SLC36A1: variants seen among roughly 807,000 people sequenced by gnomAD.
The protein encoded by SLC36A1 is solute carrier family 36 member 1.
Under a neutral mutation model 47.5 loss-of-function variants are expected in SLC36A1, and 30 were observed. That is an observed-to-expected ratio of 0.63 (90% CI 0.47 to 0.86). The LOEUF is 0.86. Among genes scored for constraint, SLC36A1 ranks in the 40% least tolerant of loss-of-function variants. SLC36A1 has a pLI of 0.00. For synonymous variants in SLC36A1, 255 were observed against 249.7 expected, an observed-to-expected ratio of 1.02 and a Z score of -0.20; for missense variants, 517 against 606.0, an observed-to-expected ratio of 0.85 and a Z score of 1.54.
chr5:151,507,237 G>A, the SLC36A1 span: 1 of 1,613,848 alleles, frequency 6.2e-7, no homozygotes, highest in Admixed American at 1.7e-5. Context: ...GAGTCTGGGG[G>A]GCACACTGCA....
intron 2 of SLC36A1, among the ~76,000 whole-genome samples, chr5:151,461,414 C>G (rs1325444316): frequency 1.3e-5 from 2 of 152,128 alleles, no homozygotes; most frequent in Non-Finnish European, 2.9e-5. Flanking sequence ...TGTTGCCCCT[C>G]TGAGTTCCAT....
At chr5:151,356,794 G>C in the SLC36A1 span, among the ~76,000 whole-genome samples, 1 of 152,120 alleles carries the variant, frequency 6.6e-6, no homozygotes, top group Non-Finnish European at 1.5e-5. Flanking sequence ...ACACAACTGG[G>C]GGCAATTTTC....
rs866159190 is a variant in SLC36A1, at chr5:151,488,552, T to G, written c.*298T>G. The stretch of plus-strand genomic sequence containing the variant: ...CCTCCTCCTTCCTACCTGCCTCCCC[T>G]CTGCTGGTGCACCTCGCCCAACTCA... On this transcript the variant is annotated 3_prime_UTR_variant, in exon 11 of 11. Transcript: ENST00000243389. 67 of 429,338 alleles carry G rather than the reference T, an allele frequency of 1.6e-4. No individual in the cohort carries two copies. The highest frequency in any genetic ancestry group is 6.3e-4 in the Middle Eastern group (1 of 1,594). The allele number at this position is 429,338 out of a possible 1,614,324, so 26.6% of individuals were successfully genotyped here.
chr5:151,469,400 A>C lies in SLC36A1; in HGVS notation c.723+1475A>C, dbSNP rs1757023043. 3 of 581,684 alleles carry C rather than the reference A, an allele frequency of 5.2e-6. No individual in the cohort carries two copies. In the South Asian group the frequency reaches 6.6e-5, roughly 13 times the overall value. The allele number at this position is 581,684 out of a possible 1,614,324, so 36.0% of individuals were successfully genotyped here. A position where few individuals can be genotyped will look rare whatever the true frequency, so the allele number is the denominator to read the frequency against. On this transcript the variant is annotated intron_variant, in intron 7 of 10. Transcript: ENST00000243389. The stretch of plus-strand genomic sequence containing the variant: ...AATGCCTTAGTGAGCCTTCCAGGTT[A>C]GTATTCCTGGCTCTACCTTGTTGTT...
chr5:151,509,190 A>G, the SLC36A1 span, among the ~76,000 whole-genome samples: 4 of 152,320 alleles, frequency 2.6e-5, no homozygotes, highest in African/African-American at 9.6e-5. Context: ...TGAGAGAATA[A>G]GCACTTCAGC....
At chr5:151,487,847 G>A in intron 10 of SLC36A1, 136 bp from the exon 11 acceptor site, 1 of 1,057,438 alleles carries the variant, frequency 9.5e-7, no homozygotes, top group East Asian at 2.6e-5. Flanking sequence ...CACAGAGATT[G>A]AACTGGACAA....
At chr5:151,401,787 A>G in the SLC36A1 span, among the ~76,000 whole-genome samples, 1 of 152,108 alleles carries the variant, frequency 6.6e-6, no homozygotes, top group Admixed American at 6.6e-5. Flanking sequence ...TGTAAATGGA[A>G]TTGTGTTCTT....
downstream of SLC36A1, among the ~76,000 whole-genome samples, chr5:151,495,982 T>C (rs536445107): frequency 6.6e-6 from 1 of 152,314 alleles, no homozygotes; most frequent in African/African-American, 2.4e-5. Context: ...TTTGTACAAG[T>C]GTTCCTGCAT....
the SLC36A1 span, chr5:151,528,192 C>T: frequency 0.022 from 34,306 of 1,590,890 alleles, 501 homozygotes; most frequent in Non-Finnish European, 0.023. Context: ...CCTGGGAGTA[C>T]AGGGGGAAAC....
chr5:151,449,939 ATGTGGGATGGATGGAG>A (rs1247846834), intron 1 of SLC36A1, among the ~76,000 whole-genome samples: 7 of 97,970 alleles, frequency 7.1e-5, no homozygotes, highest in African/African-American at 2.3e-4. Context: ...ACTTACTAGC[ATGTGGGATGGATGGAG>A]CAGATGTCCA....
chr5:151,448,129 T>TG (rs1027873974), intron 1 of SLC36A1, among the ~76,000 whole-genome samples: 3 of 152,174 alleles, frequency 2.0e-5, no homozygotes, highest in Non-Finnish European at 4.4e-5. Context: ...AGGCTCATAA[T>TG]GGGTCTTTGG....
the SLC36A1 span, among the ~76,000 whole-genome samples, chr5:151,430,536 G>C: frequency 6.6e-6 from 1 of 152,052 alleles, no homozygotes; most frequent in African/African-American, 2.4e-5. Context: ...ATGTTGGTCA[G>C]GCTGGTCTTG....
chr5:151,535,822 AG>A, the SLC36A1 span, among the ~76,000 whole-genome samples: 2 of 152,114 alleles, frequency 1.3e-5, no homozygotes, highest in Non-Finnish European at 2.9e-5. Context: ...ATTGAATTAG[AG>A]GACACCTGAG....
the SLC36A1 span, chr5:151,540,611 T>G: frequency 6.2e-7 from 1 of 1,614,078 alleles, no homozygotes; most frequent in Non-Finnish European, 8.5e-7. Flanking sequence ...AGGACAAAGA[T>G]CTCCACAGTG....
chr5:151,542,620 A>C, the SLC36A1 span: 1 of 1,614,118 alleles, frequency 6.2e-7, no homozygotes, highest in Non-Finnish European at 8.5e-7. Flanking sequence ...GTCTGCAGAC[A>C]GCCTGTAGCT....
chr5:151,357,577 C>T, the SLC36A1 span, among the ~76,000 whole-genome samples: 2 of 152,348 alleles, frequency 1.3e-5, no homozygotes, highest in Admixed American at 1.3e-4. Flanking sequence ...TCTATCCTGA[C>T]ACCTGTTTTT....
At chr5:151,432,881 A>C (rs534609237), upstream of SLC36A1, among the ~76,000 whole-genome samples, 85 of 152,222 alleles carry the variant, frequency 5.6e-4, no homozygotes, top group African/African-American at 2.0e-3. Context: ...TTGGAAGAAA[A>C]TGCTTCCCCA....
the SLC36A1 span, chr5:151,529,065 A>G: frequency 1.2e-6 from 1 of 856,894 alleles, no homozygotes; most frequent in Non-Finnish European, 1.9e-6. Flanking sequence ...TCAAGTCTAC[A>G]GTGTATTAAC....
At chr5:151,528,165 G>A in the SLC36A1 span, 8 of 1,608,352 alleles carry the variant, frequency 5.0e-6, no homozygotes, top group African/African-American at 8.0e-5. Flanking sequence ...GTGAATGGAG[G>A]GACAGGAATC....
Sources: allele counts gnomAD v4.1 joint callset (sites outside exome capture counted in the v4.1 genomes callset), GRCh38; gene constraint gnomAD v4.1.1; transcripts MANE v1.5; gene names NCBI Gene and HGNC (gene_info 2026-07-23, HGNC 2026-07-21).